Variants in UGT1A10 observed in about 807,000 individuals in gnomAD.
The protein encoded by UGT1A10 is UDP-glucuronosyltransferase 1A10.
Under a neutral mutation model 45.8 loss-of-function variants are expected in UGT1A10, and 49 were observed. The ratio of observed to expected loss-of-function variants is 1.07; its 90% confidence interval spans 0.85 to 1.36. The LOEUF (loss-of-function observed/expected upper bound fraction) is 1.36, where lower values mean the gene tolerates loss of function less well. UGT1A10 is among the 40% of genes most tolerant of loss of function. The probability of loss-of-function intolerance (pLI) is 0.00; values close to 1 mark genes in which losing one functional copy is unlikely to be tolerated. For synonymous variants in UGT1A10, 284 were observed against 249.7 expected (o/e 1.14, Z -1.29); for missense variants, 745 against 668.6 (o/e 1.11, Z -1.26).
intron 1 of UGT1A10, among the ~76,000 whole-genome samples, chr2:233,705,699 T>A (rs2075866580): frequency 6.6e-6 from 1 of 152,196 alleles, no homozygotes; most frequent in Admixed American, 6.5e-5. Context: ...GGTATAAAAA[T>A]TCACCAGTAT....
At position 233,672,058 on chromosome 2, in the gene UGT1A10, A is replaced by C. The variant is rs750286348; in HGVS notation, c.855+34681A>C. On this transcript the variant is annotated intron_variant, in intron 1 of 4. Coordinates refer to ENST00000344644, the MANE Select transcript of UGT1A10 (RefSeq NM_019075.4). ...GGATGGGAGCCACTGGTTCACCATG[A>C]GGTCGGTGGTGGAGAAACTCATTCT... The C allele has an allele frequency of 8.2e-5, 132 of 1,613,994 alleles. No homozygotes were observed. In the Admixed American group the frequency reaches 2.1e-3, roughly 25 times the overall value.
At chr2:233,763,140 C>T (rs1698247941) in intron 1 of UGT1A10, among the ~76,000 whole-genome samples, 1 of 152,192 alleles carries the variant, frequency 6.6e-6, no homozygotes, top group African/African-American at 2.4e-5. Context: ...ATTGATATAA[C>T]CATAAAAGTC....
chr2:233,766,578 G>C (rs1048038001), intron 1 of UGT1A10, among the ~76,000 whole-genome samples: 1 of 152,134 alleles, frequency 6.6e-6, no homozygotes, highest in Non-Finnish European at 1.5e-5. Flanking sequence ...ACAGGTCTGG[G>C]GGTGGAGCCC....
intron 1 of UGT1A10, among the ~76,000 whole-genome samples, chr2:233,643,438 C>T (rs2073512208): frequency 6.6e-6 from 1 of 152,060 alleles, no homozygotes; most frequent in Non-Finnish European, 1.5e-5. Context: ...GAGACTTGCC[C>T]TTCAAGGCAG....
At chr2:233,735,104 G>A (rs543014633) in intron 1 of UGT1A10, among the ~76,000 whole-genome samples, 1 of 152,204 alleles carries the variant, frequency 6.6e-6, no homozygotes, top group Non-Finnish European at 1.5e-5. Context: ...GTCTAATATC[G>A]ACAGTGGGAT....
chr2:233,733,677 AC>A, intron 1 of UGT1A10, among the ~76,000 whole-genome samples: 1 of 152,244 alleles, frequency 6.6e-6, no homozygotes, highest in South Asian at 2.1e-4. Context: ...ATGTGGATAA[AC>A]TTTTTGATGT....
At chr2:233,651,339 A>G (rs184928239) in intron 1 of UGT1A10, among the ~76,000 whole-genome samples, 1 of 152,176 alleles carries the variant, frequency 6.6e-6, no homozygotes, top group African/African-American at 2.4e-5. Flanking sequence ...GTGTGATTTT[A>G]TATCACCTAT....
At chr2:233,686,906 C>G (rs953257681) in intron 1 of UGT1A10, among the ~76,000 whole-genome samples, 1 of 152,186 alleles carries the variant, frequency 6.6e-6, no homozygotes, top group Non-Finnish European at 1.5e-5. Context: ...GAGGGGTCAA[C>G]AAGAAAGGGC....
intron 1 of UGT1A10, chr2:233,672,678 A>C: frequency 6.2e-7 from 1 of 1,613,898 alleles, no homozygotes; most frequent in African/African-American, 1.3e-5. Flanking sequence ...ACAGCCACAC[A>C]TCAATTTGGT....
At position 233,731,426 on chromosome 2, in the gene UGT1A10, C is replaced by A. The variant is rs575531992; in HGVS notation, c.856-35608C>A. Among the ~76,000 whole-genome samples, 3 of 152,128 alleles carry A rather than the reference C, an allele frequency of 2.0e-5. No homozygotes were observed. The South Asian group carries it at 6.2e-4, about 32-fold the overall frequency. On this transcript the variant is annotated intron_variant, in intron 1 of 4. Coordinates refer to ENST00000344644, the MANE Select transcript of UGT1A10 (RefSeq NM_019075.4). ...CATTAGGTATTTTTCCTAATGCCATCCCTCCCCCAGTCCCCCACCCCACAA... is the reference window on the plus strand; with the variant it reads ...CATTAGGTATTTTTCCTAATGCCATACCTCCCCCAGTCCCCCACCCCACAA...
chr2:233,765,966 G>C (rs538817499), intron 1 of UGT1A10, among the ~76,000 whole-genome samples: 1 of 152,134 alleles, frequency 6.6e-6, no homozygotes, highest in African/African-American at 2.4e-5. Context: ...GTGTCTAGAG[G>C]TGGATGTTTA....
intron 1 of UGT1A10, among the ~76,000 whole-genome samples, chr2:233,643,469 G>C (rs1473992817): frequency 2.6e-5 from 4 of 151,990 alleles, no homozygotes; most frequent in Non-Finnish European, 5.9e-5. Context: ...TCTATCCCAG[G>C]GGAGCTCCAG....
At chr2:233,718,637 T>G in intron 1 of UGT1A10, 10 of 1,451,642 alleles carry the variant, frequency 6.9e-6, no homozygotes, top group Non-Finnish European at 8.3e-6. Context: ...TTTCCCAGGG[T>G]TGGGCCCATA....
chr2:233,709,529 C>T (rs1169000951), intron 1 of UGT1A10, among the ~76,000 whole-genome samples: 1 of 151,942 alleles, frequency 6.6e-6, no homozygotes, highest in Non-Finnish European at 1.5e-5. Context: ...ATTCTTTTTC[C>T]TACTGTGATA....
At chr2:233,694,556 T>C (rs975980034) in intron 1 of UGT1A10, among the ~76,000 whole-genome samples, 1 of 152,222 alleles carries the variant, frequency 6.6e-6, no homozygotes, top group African/African-American at 2.4e-5. Flanking sequence ...TAAAAATCTG[T>C]GAGTTTTAAA....
At chr2:233,691,154 G>A in intron 1 of UGT1A10, 2 of 985,746 alleles carry the variant, frequency 2.0e-6, no homozygotes, top group Non-Finnish European at 2.4e-6. Flanking sequence ...GTTCTTTGAA[G>A]GAAACCTGCC....
chr2:233,760,932 T>C, intron 1 of UGT1A10: 1 of 1,614,198 alleles, frequency 6.2e-7, no homozygotes, highest in Non-Finnish European at 8.5e-7. Context: ...ACATGCTCAT[T>C]GCCTTTTCAC....
chr2:233,719,647 T>A, intron 1 of UGT1A10: 2 of 1,614,094 alleles, frequency 1.2e-6, no homozygotes, highest in South Asian at 2.2e-5. Flanking sequence ...ATGGTCTTCA[T>A]TGGGGGCATC....
At position 233,671,174 on chromosome 2, in the gene UGT1A10, T is replaced by A. The variant is rs955686152; in HGVS notation, c.855+33797T>A. 7.2e-5 allele frequency among the ~76,000 whole-genome samples: 11 copies of A among 152,268 alleles called. No individual in the cohort carries two copies. The South Asian group carries it at 2.3e-3, about 32-fold the overall frequency. On this transcript the variant is annotated intron_variant, in intron 1 of 4. Coordinates refer to ENST00000344644, the MANE Select transcript of UGT1A10 (RefSeq NM_019075.4). ...AGGAGGGCACTGGAGTGATGGCGTG[T>A]TTAGAATGTGCAAGTTGAGCGGTCA...
Sources: allele counts gnomAD v4.1 joint callset (sites outside exome capture counted in the v4.1 genomes callset), GRCh38; gene constraint gnomAD v4.1.1; transcripts MANE v1.5; gene names NCBI Gene and HGNC (gene_info 2026-07-23, HGNC 2026-07-21).